Variants in ATP2C1 observed in about 807,000 individuals in gnomAD.
The protein encoded by ATP2C1 is calcium-transporting ATPase type 2C member 1.
In ATP2C1, 31 loss-of-function variants were observed where a neutral mutation model predicts 120.5. The ratio of observed to expected loss-of-function variants is 0.26; its 90% confidence interval spans 0.19 to 0.35. The LOEUF (loss-of-function observed/expected upper bound fraction) is 0.35. Among genes scored for constraint, ATP2C1 ranks in the 10% least tolerant of loss-of-function variants. The pLI is 1.00. For missense variants in ATP2C1, 731 were observed against 1,107.5 expected, an observed-to-expected ratio of 0.66 and a Z score of 4.83; for synonymous variants, 351 against 358.7, an observed-to-expected ratio of 0.98 and a Z score of 0.24.
At chr3:130,918,514 T>C in intron 2 of ATP2C1, 1 of 760,780 alleles carries the variant, frequency 1.3e-6, no homozygotes, top group South Asian at 1.3e-5. Context: ...CATGTGAGGC[T>C]GAACACTCTG....
intron 22 of ATP2C1, among the ~76,000 whole-genome samples, chr3:130,994,607 G>A (rs912794104): frequency 6.6e-6 from 1 of 152,098 alleles, no homozygotes; most frequent in Non-Finnish European, 1.5e-5. Context: ...ATACATGGTG[G>A]TGTCAGTTTC....
intron 1 of ATP2C1, among the ~76,000 whole-genome samples, chr3:130,882,757 A>G (rs1394528056): frequency 6.6e-6 from 1 of 152,168 alleles, no homozygotes; most frequent in Non-Finnish European, 1.5e-5. Context: ...TTGGTTTGCT[A>G]GTATTTCATT....
chr3:130,959,405 C>T lies in ATP2C1; in HGVS notation c.899+64C>T. On this transcript the variant is annotated intron_variant, in intron 12 of 27. Coordinates refer to ENST00000510168, the MANE Select transcript of ATP2C1 (RefSeq NM_001378687.1). Reference sequence around the variant, plus strand: ...TCTTTTATTTCTCTAATGGACATAGCTTACGTTTTATTATGGAGATCAGTA... The same window carrying T: ...TCTTTTATTTCTCTAATGGACATAGTTTACGTTTTATTATGGAGATCAGTA... The T allele has an allele frequency of 2.7e-6, 3 of 1,116,860 alleles. No individual in the cohort carries two copies. In the South Asian group the frequency reaches 3.8e-5, roughly 14 times the overall value. The allele number at this position is 1,116,860 out of a possible 1,614,324, so 69.2% of individuals were successfully genotyped here.
At chr3:130,864,734 C>T (rs1351448235) in intron 1 of ATP2C1, among the ~76,000 whole-genome samples, 1 of 152,238 alleles carries the variant, frequency 6.6e-6, no homozygotes, top group African/African-American at 2.4e-5. Context: ...TTGGCAGCTT[C>T]CACGTGTTGT....
intron 12 of ATP2C1, among the ~76,000 whole-genome samples, chr3:130,961,203 C>T (rs1345378781): frequency 2.7e-5 from 4 of 149,200 alleles, no homozygotes; most frequent in Non-Finnish European, 4.4e-5. Context: ...AGATATTAAA[C>T]ATTGACATAT....
intron 20 of ATP2C1, among the ~76,000 whole-genome samples, chr3:130,984,685 G>A (rs564902244): frequency 1.3e-5 from 2 of 152,096 alleles, no homozygotes; most frequent in East Asian, 3.9e-4. Context: ...AATCCATAAA[G>A]TCTTAAAATC....
chr3:130,948,346 G>GT (rs374510888), intron 8 of ATP2C1, among the ~76,000 whole-genome samples: 2,175 of 148,704 alleles, frequency 0.015, 42 homozygotes, highest in African/African-American at 0.048. Flanking sequence ...TTGGTTGACA[G>GT]TTTTTTTTTT....
At chr3:130,931,888 G>A in intron 3 of ATP2C1, 134 bp from the exon 4 acceptor site, 1 of 663,408 alleles carries the variant, frequency 1.5e-6, no homozygotes. Flanking sequence ...CCACTGATAG[G>A]TTGCTCTCAT....
In ATP2C1 at chr3:130,967,216, C is replaced by T; in HGVS notation, c.1194C>T (p.Asn398=). 1 of 1,613,628 alleles carries T rather than the reference C, an allele frequency of 6.2e-7. No individual in the cohort carries two copies. The highest frequency in any genetic ancestry group is 1.1e-5 in the South Asian group (1 of 91,074). Residue 398 remains asparagine, a synonymous_variant, in exon 15 of 28, where the codon AAC becomes AAT. Transcript: ENST00000510168. ...VDGDVVHGFY[N]PAVSRIVEAG... is the part of the protein sequence containing the mutation. ...GTGATGTTGTTCATGGATTCTATAACCCAGCTGTTAGCAGAATTGTTGAGG... is the reference window on the plus strand; with the variant it reads ...GTGATGTTGTTCATGGATTCTATAATCCAGCTGTTAGCAGAATTGTTGAGG...
At chr3:130,890,748 ATGTT>A (rs1486492295), upstream of ATP2C1, among the ~76,000 whole-genome samples, 2 of 152,230 alleles carry the variant, frequency 1.3e-5, no homozygotes, top group Non-Finnish European at 2.9e-5. Context: ...ATTCTGGTAG[ATGTT>A]TGTTAGGAAC....
At chr3:130,985,557 C>T (rs2061965479) in intron 20 of ATP2C1, among the ~76,000 whole-genome samples, 1 of 152,026 alleles carries the variant, frequency 6.6e-6, no homozygotes, top group Non-Finnish European at 1.5e-5. Flanking sequence ...ATCGCTTGAA[C>T]CCAGGAGGCA....
chr3:130,918,571 G>A lies in ATP2C1; in HGVS notation c.7-11845G>A, dbSNP rs184217161. The A allele has an allele frequency of 4.4e-4, 326 of 733,696 alleles. No individual in the cohort carries two copies. In the African/African-American group the frequency reaches 5.2e-3, roughly 12 times the overall value. 45.4% of individuals were successfully genotyped at this position (733,696 alleles called of 1,614,324 possible). A position where few individuals can be genotyped will look rare whatever the true frequency, so the allele number is the denominator to read the frequency against. On this transcript the variant is annotated intron_variant, in intron 2 of 27. Coordinates refer to ENST00000510168, the MANE Select transcript of ATP2C1 (RefSeq NM_001378687.1). ...CACGGTCCATGTTAAGTATGCCAGC[G>A]CCCTGGCCATAAACTGTAGCCTTTT... is the stretch of plus-strand genomic sequence containing the variant.
chr3:130,890,386 A>G (rs1316324006), upstream of ATP2C1, among the ~76,000 whole-genome samples: 1 of 152,222 alleles, frequency 6.6e-6, no homozygotes, highest in Non-Finnish European at 1.5e-5. Context: ...GAAGACTGGT[A>G]GTATATAAGA....
intron 22 of ATP2C1, 127 bp downstream of exon 22, chr3:130,994,225 A>C: frequency 9.2e-7 from 1 of 1,081,738 alleles, no homozygotes. Flanking sequence ...CCACTTTTCT[A>C]GGGTAATTAT....
rs757425038 is a variant in ATP2C1, at chr3:130,959,378, C to T, written c.899+37C>T. ...TACTTTATAATTGGAGTCTCTTTTG[C>T]CTCTTTTATTTCTCTAATGGACATA... On this transcript the variant is annotated intron_variant, in intron 12 of 27. Transcript: ENST00000510168. 4.2e-6 allele frequency: 6 copies of T among 1,428,696 alleles called. No homozygotes were observed. In the Admixed American group the frequency reaches 1.0e-4, roughly 24 times the overall value. 88.5% of individuals were successfully genotyped at this position (1,428,696 alleles called of 1,614,324 possible). A position where few individuals can be genotyped will look rare whatever the true frequency, so the allele number is the denominator to read the frequency against.
chr3:130,906,520 G>A (rs1381061018), intron 2 of ATP2C1, among the ~76,000 whole-genome samples: 3 of 151,912 alleles, frequency 2.0e-5, no homozygotes, highest in Admixed American at 1.3e-4. Context: ...GTTTTTTCAG[G>A]TGTATACTTA....
intron 19 of ATP2C1, among the ~76,000 whole-genome samples, chr3:130,979,920 C>T (rs1258194082): frequency 6.6e-6 from 1 of 152,108 alleles, no homozygotes; most frequent in Non-Finnish European, 1.5e-5. Flanking sequence ...TTTCCCAGAG[C>T]CTCTAAACTG....
chr3:130,990,483 G>A (rs2062278012), intron 20 of ATP2C1, among the ~76,000 whole-genome samples: 2 of 152,162 alleles, frequency 1.3e-5, no homozygotes, highest in Admixed American at 1.3e-4. Flanking sequence ...GGAGGCCAAT[G>A]TAGTTCAGTC....
intron 24 of ATP2C1, 145 bp from the exon 25 acceptor site, chr3:130,997,461 A>G: frequency 1.4e-6 from 1 of 723,966 alleles, no homozygotes; most frequent in Admixed American, 2.6e-5. Flanking sequence ...ATTTTTGCGT[A>G]ATCAGCCAGC....
Sources: gnomAD v4.1 joint callset for allele counts (sites outside exome capture counted in the v4.1 genomes callset) on GRCh38, gnomAD v4.1.1 for gene constraint, MANE v1.5 for transcripts, NCBI Gene and HGNC (gene_info 2026-07-23, HGNC 2026-07-21) for gene names.